The following TMEM51 variants were observed in gnomAD, a reference collection of about 807,000 sequenced individuals.
The protein encoded by TMEM51 is chromosome 1 open reading frame 72.
TMEM51 carries 8 observed loss-of-function variants against 13.6 expected under a neutral mutation model. The ratio of observed to expected loss-of-function variants is 0.59; its 90% confidence interval spans 0.35 to 1.07. The LOEUF (loss-of-function observed/expected upper bound fraction) is 1.07, where lower values mean the gene tolerates loss of function less well. TMEM51 is among the 50% of genes least tolerant of loss of function. The probability of loss-of-function intolerance (pLI) is 0.02; values close to 1 mark genes in which losing one functional copy is unlikely to be tolerated. For synonymous variants in TMEM51, 147 were observed against 144.4 expected (o/e 1.02, Z -0.13); for missense variants, 279 against 330.7 (o/e 0.84, Z 1.21).
chr1:15,217,300 A>G (rs1482251365), intron 3 of TMEM51, among the ~76,000 whole-genome samples: 1 of 152,166 alleles, frequency 6.6e-6, no homozygotes, highest in Non-Finnish European at 1.5e-5. Flanking sequence ...CTTTCCTAGA[A>G]TGTTCTAAAT....
chr1:15,212,403 T>G (rs1169407808), intron 2 of TMEM51, among the ~76,000 whole-genome samples: 2 of 152,210 alleles, frequency 1.3e-5, no homozygotes, highest in East Asian at 3.8e-4. Flanking sequence ...AAGGCAAAGC[T>G]GGAATGGAGA....
chr1:15,160,840 G>A (rs549612965), intron 1 of TMEM51, among the ~76,000 whole-genome samples: 4 of 152,112 alleles, frequency 2.6e-5, no homozygotes, highest in Admixed American at 2.0e-4. Context: ...GCCCAGGAAC[G>A]AGGGAGAGTC....
intron 1 of TMEM51, among the ~76,000 whole-genome samples, chr1:15,180,744 C>T (rs977642393): frequency 3.3e-5 from 5 of 152,130 alleles, no homozygotes; most frequent in Admixed American, 6.5e-5. Flanking sequence ...GCCTTTAGCA[C>T]GGGGAGCATT....
At chr1:15,205,484 A>G (rs1045438279) in intron 1 of TMEM51, among the ~76,000 whole-genome samples, 1 of 152,206 alleles carries the variant, frequency 6.6e-6, no homozygotes, top group Non-Finnish European at 1.5e-5. Flanking sequence ...AAGGCCCTGC[A>G]GAGCTGCATG....
upstream of TMEM51, among the ~76,000 whole-genome samples, chr1:15,153,394 C>A (rs1642462445): frequency 6.8e-6 from 1 of 147,922 alleles, no homozygotes; most frequent in African/African-American, 2.7e-5. Flanking sequence ...ACCCGTCACA[C>A]ACACGCGCGT....
Position 15,212,773 on chromosome 1 carries a change from C to T in TMEM51, c.-193-2122C>T, listed in dbSNP as rs112911311. Among the ~76,000 whole-genome samples, 409 of 152,336 alleles carry T rather than the reference C, an allele frequency of 2.7e-3. 2 individuals are homozygous for T. Among genetic ancestry groups the T allele is most frequent in the African/African-American group, 7.6e-3 (315 of 41,582 alleles). ...TGGGATCCCTGTTCAGCGCCCTGCA[C>T]GCCACACACATGCCCATCCTACCTG... is the stretch of plus-strand genomic sequence containing the variant. On this transcript the variant is annotated intron_variant, in intron 2 of 3. Coordinates refer to ENST00000376008, the MANE Select transcript of TMEM51 (RefSeq NM_001136218.2).
chr1:15,164,254 G>T, intron 1 of TMEM51: 1 of 429,110 alleles, frequency 2.3e-6, no homozygotes, highest in South Asian at 1.6e-5. Flanking sequence ...TATTCACCAG[G>T]ATCCAATTCA....
At chr1:15,198,686 G>A (rs1344489788) in intron 1 of TMEM51, among the ~76,000 whole-genome samples, 1 of 152,142 alleles carries the variant, frequency 6.6e-6, no homozygotes, top group Non-Finnish European at 1.5e-5. Context: ...CCAAAGTGCT[G>A]GGATCACAGG....
At chr1:15,191,951 T>C (rs1643930440) in intron 1 of TMEM51, 8 of 533,952 alleles carry the variant, frequency 1.5e-5, no homozygotes, top group Non-Finnish European at 2.7e-5. Flanking sequence ...AGTTTGATTA[T>C]GTGTCGTCTT....
At chr1:15,189,593 C>T (rs190928379) in intron 1 of TMEM51, among the ~76,000 whole-genome samples, 6 of 152,342 alleles carry the variant, frequency 3.9e-5, no homozygotes, top group Non-Finnish European at 7.3e-5. Context: ...GAGGCTGGGA[C>T]ACCCACCGTG....
intron 1 of TMEM51, among the ~76,000 whole-genome samples, chr1:15,164,959 C>T (rs1003257847): frequency 3.9e-5 from 6 of 151,980 alleles, no homozygotes; most frequent in Non-Finnish European, 8.8e-5. Context: ...CGCGCCACCA[C>T]ACCCAGCTAA....
At chr1:15,200,407 CAAAAAAAAAAAA>C (rs55755539) in intron 1 of TMEM51, among the ~76,000 whole-genome samples, 305 of 67,984 alleles carry the variant, frequency 4.5e-3, no homozygotes, top group African/African-American at 0.016. Flanking sequence ...GACTCTGTCT[CAAAAAAAAAAAA>C]AAAAAAAAAA....
chr1:15,185,726 T>C (rs11588628), intron 1 of TMEM51, among the ~76,000 whole-genome samples: 81,589 of 152,042 alleles, frequency 0.54, 22,382 homozygotes, highest in East Asian at 0.64. Context: ...TGAACTTGAA[T>C]TCTGTAGTCT....
chr1:15,169,069 G>A (rs1643140853), intron 1 of TMEM51, among the ~76,000 whole-genome samples: 1 of 152,120 alleles, frequency 6.6e-6, no homozygotes, highest in Non-Finnish European at 1.5e-5. Context: ...TGGGAAGGTG[G>A]GGTCTTGGCT....
rs77398573 is a variant in TMEM51, at chr1:15,217,626, C to T, written c.345-1700C>T. Among the ~76,000 whole-genome samples the T allele has an allele frequency of 2.6e-3, 403 of 152,154 alleles. 1 individual carries two copies. The highest frequency in any genetic ancestry group is 8.0e-3 in the African/African-American group (334 of 41,510). ...CTGAGTTTGAAGGCCTGATTGAGAA[C>T]GAGGAGAGGTGAGGGTATAGATCCT... On this transcript the variant is annotated intron_variant, in intron 3 of 3. Coordinates refer to ENST00000376008, the MANE Select transcript of TMEM51 (RefSeq NM_001136218.2).
intron 1 of TMEM51, among the ~76,000 whole-genome samples, chr1:15,203,179 T>C (rs572004689): frequency 1.1e-4 from 16 of 152,350 alleles, no homozygotes; most frequent in Admixed American, 3.9e-4. Context: ...CAGGTATTCA[T>C]GTGATTCCTC....
chr1:15,197,954 CAAAAA>C (rs34377131), intron 1 of TMEM51, among the ~76,000 whole-genome samples: 1 of 96,236 alleles, frequency 1.0e-5, no homozygotes, highest in Admixed American at 1.2e-4. Context: ...CTATACATGA[CAAAAA>C]AAAAAAAAAA....
intron 1 of TMEM51, among the ~76,000 whole-genome samples, chr1:15,174,445 T>C (rs1643392446): frequency 6.6e-6 from 1 of 152,120 alleles, no homozygotes; most frequent in Non-Finnish European, 1.5e-5. Context: ...TCTTGCTGTG[T>C]TGCCCAGGCT....
chr1:15,176,676 G>A (rs1478138667), intron 1 of TMEM51, among the ~76,000 whole-genome samples: 1 of 152,208 alleles, frequency 6.6e-6, no homozygotes, highest in African/African-American at 2.4e-5. Context: ...TTGGTGCCTG[G>A]TACAGGGCCC....
Sources: gnomAD v4.1 joint callset for allele counts (sites outside exome capture counted in the v4.1 genomes callset) on GRCh38, gnomAD v4.1.1 for gene constraint, MANE v1.5 for transcripts, NCBI Gene and HGNC (gene_info 2026-07-23, HGNC 2026-07-21) for gene names.